Variants in CCSER1 observed in about 807,000 individuals in gnomAD.
The protein encoded by CCSER1 is serine-rich coiled-coil domain-containing protein 1.
In CCSER1, 41 loss-of-function variants were observed where a neutral mutation model predicts 82.0. That is an observed-to-expected ratio of 0.50 (90% CI 0.39 to 0.65). The LOEUF (loss-of-function observed/expected upper bound fraction) is 0.65, where lower values mean the gene tolerates loss of function less well. CCSER1 is among the 30% of genes least tolerant of loss of function. The pLI, the probability that CCSER1 is intolerant of heterozygous loss-of-function variation, is 0.00. For synonymous variants in CCSER1, 414 were observed against 383.9 expected (o/e 1.08, Z -0.92); for missense variants, 1,119 against 1,064.2 (o/e 1.05, Z -0.72).
intron 10 of CCSER1, among the ~76,000 whole-genome samples, chr4:91,152,612 A>G (rs1730347541): frequency 6.6e-6 from 1 of 152,176 alleles, no homozygotes; most frequent in African/African-American, 2.4e-5. Context: ...TCTTCCTAGC[A>G]TCAATGGTCT....
intron 10 of CCSER1, among the ~76,000 whole-genome samples, chr4:91,593,106 C>T (rs1187392636): frequency 1.3e-5 from 2 of 152,144 alleles, no homozygotes; most frequent in Non-Finnish European, 2.9e-5. Context: ...TTTGGCTTTG[C>T]ACATTGGCAT....
intron 6 of CCSER1, among the ~76,000 whole-genome samples, chr4:90,655,085 C>T (rs1238790113): frequency 6.6e-6 from 1 of 151,874 alleles, no homozygotes; most frequent in South Asian, 2.1e-4. Context: ...GCATTAATAT[C>T]ACTATATTAA....
chr4:90,389,342 C>A (rs918515140), intron 3 of CCSER1, among the ~76,000 whole-genome samples: 1 of 152,106 alleles, frequency 6.6e-6, no homozygotes, highest in African/African-American at 2.4e-5. Flanking sequence ...AAGTATAGGG[C>A]TATATAGCAA....
intron 8 of CCSER1, among the ~76,000 whole-genome samples, chr4:90,916,732 CA>C (rs1727493038): frequency 6.6e-6 from 1 of 152,070 alleles, no homozygotes; most frequent in Admixed American, 6.6e-5. Flanking sequence ...AGGCAACCTA[CA>C]AAATGGGAGA....
intron 10 of CCSER1, among the ~76,000 whole-genome samples, chr4:91,146,537 T>A (rs1165982243): frequency 1.3e-5 from 2 of 151,694 alleles, no homozygotes; most frequent in Admixed American, 6.6e-5. Flanking sequence ...TTCTTTCTCA[T>A]CTGAGGGTGC....
chr4:91,158,616 C>T (rs373009435), intron 10 of CCSER1, among the ~76,000 whole-genome samples: 19 of 139,544 alleles, frequency 1.4e-4, no homozygotes, highest in African/African-American at 5.0e-4. Flanking sequence ...CTCTCCCTCT[C>T]TTTCTGTGTG....
chr4:91,158,335 G>A (rs567800637), intron 10 of CCSER1, among the ~76,000 whole-genome samples: 3 of 152,036 alleles, frequency 2.0e-5, no homozygotes, highest in Admixed American at 2.0e-4. Flanking sequence ...GCCCTGCAAG[G>A]CAGCATCCTT....
chr4:91,373,749 G>A (rs1448304092), intron 10 of CCSER1, among the ~76,000 whole-genome samples: 1 of 152,134 alleles, frequency 6.6e-6, no homozygotes, highest in East Asian at 1.9e-4. Context: ...TAAGCTTAGT[G>A]AAGAAGGCAC....
At chr4:91,219,984 G>A (rs182423536) in intron 10 of CCSER1, among the ~76,000 whole-genome samples, 3 of 152,128 alleles carry the variant, frequency 2.0e-5, no homozygotes, top group South Asian at 2.1e-4. Context: ...TACTCAAAAC[G>A]TCATATATAA....
At chr4:90,751,046 A>T (rs1224666572) in intron 7 of CCSER1, among the ~76,000 whole-genome samples, 3 of 152,142 alleles carry the variant, frequency 2.0e-5, no homozygotes, top group Non-Finnish European at 4.4e-5. Context: ...TCATGAAAAG[A>T]TTTAACGAAA....
intron 3 of CCSER1, among the ~76,000 whole-genome samples, chr4:90,329,462 T>A (rs1738879744): frequency 1.3e-5 from 2 of 152,166 alleles, no homozygotes; most frequent in African/African-American, 4.8e-5. Flanking sequence ...AGTAGTGATT[T>A]AGAAAAGAAA....
intron 10 of CCSER1, among the ~76,000 whole-genome samples, chr4:91,474,797 A>ACACACACATGTGTGTG (rs1757482755): frequency 2.6e-5 from 1 of 38,556 alleles, no homozygotes; most frequent in South Asian, 7.6e-4. Context: ...GTATATATAT[A>ACACACACATGTGTGTG]TATATATATA....
At chr4:90,800,135 G>C (rs1382232623) in intron 7 of CCSER1, among the ~76,000 whole-genome samples, 1 of 152,116 alleles carries the variant, frequency 6.6e-6, no homozygotes, top group African/African-American at 2.4e-5. Context: ...TCTTAATTTA[G>C]GAGGTTTAGG....
intron 10 of CCSER1, among the ~76,000 whole-genome samples, chr4:91,179,500 T>G (rs1733774800): frequency 1.3e-5 from 2 of 152,220 alleles, no homozygotes; most frequent in South Asian, 4.1e-4. Flanking sequence ...TTTGTTCATT[T>G]CTTTTTACTG....
intron 10 of CCSER1, among the ~76,000 whole-genome samples, chr4:91,285,197 C>A (rs369652408): frequency 2.0e-5 from 3 of 149,708 alleles, no homozygotes; most frequent in Non-Finnish European, 3.0e-5. Flanking sequence ...ATAGGCATTA[C>A]GGCAGTATTA....
chr4:91,543,857 G>A (rs144331015), intron 10 of CCSER1, among the ~76,000 whole-genome samples: 2,549 of 152,260 alleles, frequency 0.017, 62 homozygotes, highest in African/African-American at 0.058. Flanking sequence ...TACCTTGCTT[G>A]GTTGGGGAAG....
At chr4:91,566,022 G>A (rs888397415) in intron 10 of CCSER1, among the ~76,000 whole-genome samples, 24 of 152,036 alleles carry the variant, frequency 1.6e-4, no homozygotes, top group African/African-American at 5.8e-4. Context: ...TGCTGGCTGT[G>A]GGACTGTCAT....
At chr4:90,374,295 GCTCTTTAATAAGGA>G (rs1328407844) in intron 3 of CCSER1, among the ~76,000 whole-genome samples, 1 of 152,154 alleles carries the variant, frequency 6.6e-6, no homozygotes, top group East Asian at 1.9e-4. Flanking sequence ...TCACTTCATT[GCTCTTTAATAAGGA>G]GAAATTGGAA....
chr4:90,968,153 T>C (rs1581227245), intron 9 of CCSER1, among the ~76,000 whole-genome samples: 1 of 151,732 alleles, frequency 6.6e-6, no homozygotes, highest in Non-Finnish European at 1.5e-5. Flanking sequence ...AAAAGAAAGA[T>C]AGGCTCACAG....
Sources: allele counts gnomAD v4.1 joint callset (sites outside exome capture counted in the v4.1 genomes callset), GRCh38; gene constraint gnomAD v4.1.1; transcripts MANE v1.5; gene names NCBI Gene and HGNC (gene_info 2026-07-23, HGNC 2026-07-21).